NTNG2: variants seen among roughly 807,000 people sequenced by gnomAD.
The protein encoded by NTNG2 is netrin G2.
A neutral mutation model predicts 47.6 loss-of-function variants in NTNG2; 15 were observed. The observed-to-expected ratio is 0.32, with a 90% confidence interval of 0.21 to 0.49. The LOEUF (loss-of-function observed/expected upper bound fraction) is 0.49. NTNG2 is among the 20% of genes least tolerant of loss of function. The pLI, the probability that NTNG2 is intolerant of heterozygous loss-of-function variation, is 0.99. For synonymous variants in NTNG2, 307 were observed against 324.6 expected (o/e 0.95, Z 0.58); for missense variants, 578 against 764.6 (o/e 0.76, Z 2.88).
At chr9:132,241,297 G>C in intron 7 of NTNG2, 2 of 547,816 alleles carry the variant, frequency 3.7e-6, no homozygotes, top group Non-Finnish European at 6.3e-6. Context: ...TAGTTGGCAG[G>C]GGCCTGGTGA....
In NTNG2 at chr9:132,200,819, A is replaced by G. The variant is rs557445320; in HGVS notation, c.857+2210A>G. Among the ~76,000 whole-genome samples the G allele has an allele frequency of 2.6e-5, 4 of 152,310 alleles. No individual in the cohort carries two copies. In the East Asian group the frequency reaches 7.7e-4, roughly 29 times the overall value. On this transcript the variant is annotated intron_variant, in intron 3 of 7. Transcript: ENST00000393229. ...TGGGACAGGATATTCAAAATCAGGAATGTTCTGGAAACCACCCCATATATA... is the reference window on the plus strand; with the variant it reads ...TGGGACAGGATATTCAAAATCAGGAGTGTTCTGGAAACCACCCCATATATA...
In NTNG2 at chr9:132,241,016, C is replaced by G; in HGVS notation, c.1329C>G (p.Pro443=). The change falls in exon 7 of 8, where the codon CCC becomes CCG. Residue 443 remains proline, a synonymous_variant. Transcript: ENST00000393229. ...GCCCCAAGTGCGACGACTGCCTCCC[C>G]ACGCACTACTGGCGCCAGGGCTGCT... ...AAGPKCDDCL[P]THYWRQGCYP... 6.2e-7 allele frequency: 1 copy of G among 1,607,626 alleles called. No homozygotes were observed. Among genetic ancestry groups the G allele is most frequent in the South Asian group, 1.1e-5 (1 of 90,852 alleles).
chr9:132,202,108 G>A (rs1018744759), intron 3 of NTNG2, among the ~76,000 whole-genome samples: 2 of 152,220 alleles, frequency 1.3e-5, no homozygotes, highest in African/African-American at 2.4e-5. Context: ...CCCACCTGGA[G>A]CTCAGGTAGC....
chr9:132,233,510 G>GCACACCCTCCCTCTCGGCAA (rs1170886812), intron 5 of NTNG2: 2 of 152,174 alleles, frequency 1.3e-5, no homozygotes, highest in Non-Finnish European at 1.5e-5. Context: ...TGAGCAGAAG[G>GCACACCCTCCCTCTCGGCAA]CACACCCTCC....
chr9:132,241,871 T>G lies in NTNG2; in HGVS notation c.1358-5T>G, dbSNP rs746761113. ...CCCCGTGCTGACCGCCCCCTCCGCC[T>G]GCAGCCAACGTGTGCGACGACGACC... On this transcript the variant is annotated splice_region_variant and splice_polypyrimidine_tract_variant and intron_variant, in intron 7 of 7. Transcript: ENST00000393229. The G allele has an allele frequency of 6.4e-6, 10 of 1,561,812 alleles. No homozygotes were observed. In the East Asian group the frequency reaches 2.2e-4, roughly 35 times the overall value.
intron 5 of NTNG2, 85 bp downstream of exon 5, chr9:132,230,680 G>T: frequency 6.9e-7 from 1 of 1,440,880 alleles, no homozygotes; most frequent in Non-Finnish European, 9.6e-7. Context: ...AGAGAAAAAA[G>T]GGGCTTCAGT....
In NTNG2 at chr9:132,180,075, C is replaced by A. The variant is rs1836816747; in HGVS notation, c.213+13031C>A. 6.6e-6 allele frequency among the ~76,000 whole-genome samples: 1 copy of A among 152,200 alleles called. No individual in the cohort carries two copies. The highest frequency in any genetic ancestry group is 2.1e-4 in the South Asian group (1 of 4,822). ...GACCTGGCATCCTTCTGTCCCAGGG[C>A]AGTTTGTCTTGGGTCTCTCAGGGAC... On this transcript the variant is annotated intron_variant, in intron 2 of 7. Coordinates refer to ENST00000393229, the MANE Select transcript of NTNG2 (RefSeq NM_032536.4). This position sits in a 1 kb window ranked among gnomAD's most constrained non-coding sequence, Gnocchi z 4.2.
In NTNG2 at chr9:132,229,314, G is replaced by A. The variant is rs549829094; in HGVS notation, c.1031-1258G>A. Among the ~76,000 whole-genome samples, 24 of 152,190 alleles carry A rather than the reference G, an allele frequency of 1.6e-4. 2 individuals carry two copies. Among genetic ancestry groups the A allele is most frequent in the African/African-American group, 3.9e-4 (16 of 41,520 alleles). On this transcript the variant is annotated intron_variant, in intron 4 of 7. Transcript: ENST00000393229. ...TGACCCCTCCTCAGTAAGTGGCACC[G>A]ACACCCACGGGGCCAAGTGCAAGTC...
intron 3 of NTNG2, among the ~76,000 whole-genome samples, chr9:132,222,874 G>T (rs1381398821): frequency 6.6e-6 from 1 of 152,226 alleles, no homozygotes; most frequent in Non-Finnish European, 1.5e-5. Flanking sequence ...GGGAGGCTGA[G>T]GTGGGCAGAT....
rs1019163190 is a variant in NTNG2, at chr9:132,236,269, A to C, written c.1055-2835A>C. Among the ~76,000 whole-genome samples, 9 of 152,162 alleles carry C rather than the reference A, an allele frequency of 5.9e-5. No individual in the cohort carries two copies. The highest frequency in any genetic ancestry group is 1.0e-4 in the Non-Finnish European group (7 of 68,008). ...AGTGGGATGGCAGGGAGCCTGACAA[A>C]GTGGAAAATGTGTGGGTTAAAGGAG... On this transcript the variant is annotated intron_variant, in intron 5 of 7. Transcript: ENST00000393229. This position sits in a 1 kb window ranked among gnomAD's most constrained non-coding sequence, Gnocchi z 4.3.
At chr9:132,214,293 G>A (rs974567573) in intron 3 of NTNG2, among the ~76,000 whole-genome samples, 2 of 152,204 alleles carry the variant, frequency 1.3e-5, no homozygotes, top group South Asian at 2.1e-4. Context: ...GTGGAGTGAC[G>A]GTGCCAGGCC....
At position 132,166,669 on chromosome 9, in the gene NTNG2, T is replaced by C. The variant is rs764980946; in HGVS notation, c.-163T>C. 7.1e-4 allele frequency: 456 copies of C among 638,220 alleles called. 1 individual carries two copies. Among genetic ancestry groups the C allele is most frequent in the Non-Finnish European group, 1.1e-3 (409 of 363,206 alleles). 39.5% of individuals were successfully genotyped at this position (638,220 alleles called of 1,614,324 possible). ...GTGTCGGCCTTTTGGAAACAACAAG[T>C]TCCTCGCTGTTTGCAAAGCTTCAGT... On this transcript the variant is annotated 5_prime_UTR_variant, in exon 2 of 8. Transcript: ENST00000393229.
In NTNG2 at chr9:132,216,414, CTG is replaced by C. The variant is rs1177821281; in HGVS notation, c.858-10423_858-10422del. Among the ~76,000 whole-genome samples, 26 of 110,328 alleles carry C rather than the reference CTG, an allele frequency of 2.4e-4. No homozygotes were observed. The South Asian group carries it at 2.7e-3, about 11-fold the overall frequency. The allele number at this position is 110,328 out of a possible 152,430, so 72.4% of individuals were successfully genotyped here. On this transcript the variant is annotated intron_variant, in intron 3 of 7. Coordinates refer to ENST00000393229, the MANE Select transcript of NTNG2 (RefSeq NM_032536.4). ...TCTCTCTCTCTCTCTCTCTCTCTCTCTGTGTGTGTGTGTATGTGTGTGTGTGT... is the reference window on the plus strand; with the variant it reads ...TCTCTCTCTCTCTCTCTCTCTCTCTCTGTGTGTGTGTATGTGTGTGTGTGT...
At chr9:132,173,745 AGATG>A (rs1386800006) in intron 2 of NTNG2, among the ~76,000 whole-genome samples, 11 of 145,588 alleles carry the variant, frequency 7.6e-5, no homozygotes, top group Non-Finnish European at 1.6e-4. Context: ...GCTGCGGATG[AGATG>A]GATGGACGGA....
rs1465915051 is a variant in NTNG2, at chr9:132,215,850, T to C, written c.858-10999T>C. Among the ~76,000 whole-genome samples, 1 of 152,138 alleles carries C rather than the reference T, an allele frequency of 6.6e-6. No homozygotes were observed. The highest frequency in any genetic ancestry group is 1.5e-5 in the Non-Finnish European group (1 of 68,018). ...ACCTGGGAGCCCATGTACTCTCATC[T>C]CCGTCCCTCCCTCTATCACCTGTTG... On this transcript the variant is annotated intron_variant, in intron 3 of 7. Transcript: ENST00000393229. This position sits in a 1 kb window ranked among gnomAD's most constrained non-coding sequence, Gnocchi z 4.2.
At chr9:132,184,492 G>A (rs1229777784) in intron 2 of NTNG2, among the ~76,000 whole-genome samples, 2 of 152,242 alleles carry the variant, frequency 1.3e-5, no homozygotes, top group Non-Finnish European at 2.9e-5. Flanking sequence ...GGCCAGGGGT[G>A]TTTTCCCTGA....
chr9:132,180,817 G>C lies in NTNG2; in HGVS notation c.213+13773G>C, dbSNP rs1040121997. Among the ~76,000 whole-genome samples the C allele has an allele frequency of 6.6e-6, 1 of 152,180 alleles. No homozygotes were observed. Among genetic ancestry groups the C allele is most frequent in the Non-Finnish European group, 1.5e-5 (1 of 68,032 alleles). ...GAGCGGGAGCTTCTCACTTTTAATG[G>C]TCATGGCCCCACTTGAGAATCCATG... On this transcript the variant is annotated intron_variant, in intron 2 of 7. Coordinates refer to ENST00000393229, the MANE Select transcript of NTNG2 (RefSeq NM_032536.4). This position sits in a 1 kb window ranked among gnomAD's most constrained non-coding sequence, Gnocchi z 4.2.
chr9:132,211,063 C>G (rs1839554302), intron 3 of NTNG2, among the ~76,000 whole-genome samples: 1 of 152,220 alleles, frequency 6.6e-6, no homozygotes, highest in African/African-American at 2.4e-5. Context: ...CAGACGCGGA[C>G]CCACAGGGTG....
chr9:132,194,158 CAGA>C (rs766943307), intron 2 of NTNG2, among the ~76,000 whole-genome samples: 4 of 152,158 alleles, frequency 2.6e-5, no homozygotes, highest in African/African-American at 4.8e-5. Context: ...CCAGGGGCAG[CAGA>C]AGCAGCACTG....
Sources: gnomAD v4.1 joint callset for allele counts (sites outside exome capture counted in the v4.1 genomes callset) on GRCh38, gnomAD v4.1.1 for gene constraint, Gnocchi (gnomAD v3.1) non-coding constraint, MANE v1.5 for transcripts, NCBI Gene and HGNC (gene_info 2026-07-23, HGNC 2026-07-21) for gene names.